The following PRIM2 variants were observed in gnomAD, a reference collection of about 807,000 sequenced individuals.
PRIM2 encodes the protein DNA primase subunit 2, also known as DNA primase large subunit.
In PRIM2, 39 loss-of-function variants were observed where a neutral mutation model predicts 67.3. That is an observed-to-expected ratio of 0.58 (90% confidence interval 0.45 to 0.76). The LOEUF (loss-of-function observed/expected upper bound fraction) is 0.76. Ranked by LOEUF, PRIM2 falls within the 30% of genes least tolerant of loss-of-function variation. The pLI is 0.00. For synonymous variants in PRIM2, 143 were observed against 198.7 expected, an observed-to-expected ratio of 0.72 and a Z score of 2.36; for missense variants, 398 against 598.7, an observed-to-expected ratio of 0.66 and a Z score of 3.50.
chr6:57,530,034 C>T (rs1369062868), intron 8 of PRIM2, among the ~76,000 whole-genome samples: 1 of 151,976 alleles, frequency 6.6e-6, no homozygotes, highest in African/African-American at 2.4e-5. Flanking sequence ...CCACAAGTTT[C>T]CTTCCCATGG....
chr6:57,317,160 T>G (rs1767505556), upstream of PRIM2, among the ~76,000 whole-genome samples: 1 of 152,088 alleles, frequency 6.6e-6, no homozygotes, highest in South Asian at 2.1e-4. Flanking sequence ...GCTGAAAGAT[T>G]AAACGAGCGG....
At chr6:57,489,557 C>CAAAA (rs1773838727) in intron 7 of PRIM2, among the ~76,000 whole-genome samples, 1 of 36,720 alleles carries the variant, frequency 2.7e-5, no homozygotes, top group Admixed American at 2.4e-4. Flanking sequence ...ACCCCCGTCT[C>CAAAA]CAGAAAAAAG....
chr6:57,363,906 T>G (rs6934266), intron 5 of PRIM2, among the ~76,000 whole-genome samples: 451 of 152,272 alleles, frequency 3.0e-3, no homozygotes, highest in African/African-American at 9.2e-3. Flanking sequence ...TAGGTCTTCT[T>G]AGTCATTCAC....
intron 10 of PRIM2, among the ~76,000 whole-genome samples, chr6:57,553,664 C>T (rs1437071186): frequency 6.6e-6 from 1 of 151,690 alleles, no homozygotes; most frequent in Admixed American, 6.6e-5. Flanking sequence ...ACTGTGTAAA[C>T]CTTGAGGCTC....
chr6:57,238,566 G>C, the PRIM2 span, among the ~76,000 whole-genome samples: 7 of 152,334 alleles, frequency 4.6e-5, no homozygotes, highest in East Asian at 1.2e-3. Context: ...TTAAAGCAGT[G>C]TGTACAGGGA....
chr6:57,338,596 A>G (rs1413744956), intron 5 of PRIM2, among the ~76,000 whole-genome samples: 2 of 151,470 alleles, frequency 1.3e-5, no homozygotes, highest in Non-Finnish European at 2.9e-5. Context: ...AAACAGAAAG[A>G]CAAAAACCAC....
At chr6:57,264,934 A>G in the PRIM2 span, among the ~76,000 whole-genome samples, 1 of 152,154 alleles carries the variant, frequency 6.6e-6, no homozygotes, top group Non-Finnish European at 1.5e-5. Context: ...GAGACTCAGT[A>G]ATGGGTGGAG....
At chr6:57,457,704 G>T (rs935489719) in intron 7 of PRIM2, among the ~76,000 whole-genome samples, 1 of 152,086 alleles carries the variant, frequency 6.6e-6, no homozygotes, top group Admixed American at 6.5e-5. Context: ...CTTTGACTAG[G>T]AAAGGGAATT....
chr6:57,502,968 C>T (rs1554347011), intron 7 of PRIM2, among the ~76,000 whole-genome samples: 14 of 152,244 alleles, frequency 9.2e-5, no homozygotes, highest in African/African-American at 2.6e-4. Context: ...TGACTCCTCT[C>T]CTTGATAGGA....
chr6:57,634,217 G>A (rs1476971361), intron 13 of PRIM2, among the ~76,000 whole-genome samples: 47,517 of 151,032 alleles, frequency 0.31, 7,180 homozygotes, highest in East Asian at 0.44. Flanking sequence ...GCATTTTCCT[G>A]TTTATCTTCA....
At chr6:57,398,132 G>T (rs1373468440) in intron 7 of PRIM2, among the ~76,000 whole-genome samples, 9 of 151,720 alleles carry the variant, frequency 5.9e-5, no homozygotes, top group Non-Finnish European at 1.0e-4. Flanking sequence ...GGTAATTTTT[G>T]TATTTTTAGT....
intron 7 of PRIM2, among the ~76,000 whole-genome samples, chr6:57,419,875 A>G (rs371646868): frequency 1.8e-3 from 278 of 152,352 alleles, no homozygotes; most frequent in Non-Finnish European, 3.2e-3. Flanking sequence ...GATCATAAGC[A>G]TATGACTTAT....
intron 5 of PRIM2, among the ~76,000 whole-genome samples, chr6:57,364,312 C>T (rs1184574572): frequency 6.6e-6 from 1 of 152,092 alleles, no homozygotes; most frequent in Admixed American, 6.6e-5. Context: ...CCTCCCACAG[C>T]CTTTTTTCAG....
intron 10 of PRIM2, among the ~76,000 whole-genome samples, chr6:57,555,123 A>G (rs1775485532): frequency 6.6e-6 from 1 of 152,228 alleles, no homozygotes; most frequent in Non-Finnish European, 1.5e-5. Context: ...TCTCTTTGAA[A>G]CATTTAACAT....
chr6:57,320,876 A>T (rs144878958), intron 3 of PRIM2, among the ~76,000 whole-genome samples: 20 of 152,334 alleles, frequency 1.3e-4, no homozygotes, highest in African/African-American at 4.8e-4. Context: ...TGCCAAATGT[A>T]TCCCGTGCAA....
upstream of PRIM2, among the ~76,000 whole-genome samples, chr6:57,311,923 A>C (rs1317344629): frequency 1.3e-5 from 2 of 151,146 alleles, no homozygotes; most frequent in South Asian, 4.2e-4. Flanking sequence ...AGGCGGGAGA[A>C]TCACCGGAGC....
chr6:57,610,709 A>G (rs1201815541), intron 12 of PRIM2, among the ~76,000 whole-genome samples: 7 of 152,312 alleles, frequency 4.6e-5, no homozygotes, highest in African/African-American at 1.7e-4. Flanking sequence ...TTCAAAATAC[A>G]TGAATTAATA....
At chr6:57,363,840 A>T (rs1769270483) in intron 5 of PRIM2, among the ~76,000 whole-genome samples, 1 of 151,904 alleles carries the variant, frequency 6.6e-6, no homozygotes, top group Non-Finnish European at 1.5e-5. Context: ...TTGCTTTTAA[A>T]CTTCCCTCTA....
the PRIM2 span, among the ~76,000 whole-genome samples, chr6:57,305,339 G>A: frequency 1.3e-5 from 2 of 152,244 alleles, no homozygotes; most frequent in Non-Finnish European, 2.9e-5. Context: ...GATAAGTACA[G>A]AGAAGTTCAG....
Sources: allele counts gnomAD v4.1 joint callset (sites outside exome capture counted in the v4.1 genomes callset), GRCh38; gene constraint gnomAD v4.1.1; transcripts MANE v1.5; gene names NCBI Gene and HGNC (gene_info 2026-07-23, HGNC 2026-07-21).